CAPN14: variants seen among roughly 807,000 people sequenced by gnomAD.
CAPN14 encodes calpain 14, also known as calpain-14.
Under a neutral mutation model 101.3 loss-of-function variants are expected in CAPN14, and 94 were observed. The observed-to-expected ratio is 0.93, with a 90% confidence interval of 0.79 to 1.10. The LOEUF (loss-of-function observed/expected upper bound fraction) is 1.10, where lower values mean the gene tolerates loss of function less well. CAPN14 is among the 50% of genes least tolerant of loss of function. CAPN14 has a pLI of 0.00. For missense variants in CAPN14, 837 were observed against 828.4 expected (o/e 1.01, Z -0.13); for synonymous variants, 338 against 317.9 (o/e 1.06, Z -0.67).
chr2:31,189,590 A>G (rs1681076504), intron 12 of CAPN14, 112 bp from the exon 13 acceptor site: 3 of 816,706 alleles, frequency 3.7e-6, no homozygotes, highest in Non-Finnish European at 6.1e-6. Flanking sequence ...GCTCTGCCAA[A>G]TCCAATAGGC....
chr2:31,175,284 A>G (rs1020775992), intron 21 of CAPN14, among the ~76,000 whole-genome samples: 1 of 152,212 alleles, frequency 6.6e-6, no homozygotes, highest in East Asian at 1.9e-4. Context: ...TGAGCCACAG[A>G]TGGTCAGAGC....
At chr2:31,233,691 T>A (rs1683263056) in intron 1 of CAPN14, 1 of 151,896 alleles carries the variant, frequency 6.6e-6, no homozygotes, top group South Asian at 2.1e-4. Flanking sequence ...TAAGCCTAGC[T>A]AAAAGTTTGG....
At chr2:31,215,712 A>G (rs1682609694) in intron 1 of CAPN14, among the ~76,000 whole-genome samples, 1 of 152,060 alleles carries the variant, frequency 6.6e-6, no homozygotes, top group African/African-American at 2.4e-5. Context: ...TCCTCTCCCA[A>G]GCCCACTCCT....
intron 18 of CAPN14, among the ~76,000 whole-genome samples, chr2:31,178,085 T>C (rs1486231949): frequency 2.6e-5 from 4 of 152,248 alleles, no homozygotes; most frequent in Middle Eastern, 3.2e-3. Context: ...GTAAATGTGC[T>C]TAGTGCAAGC....
At chr2:31,188,906 TCTC>T (rs1246406643) in intron 13 of CAPN14, among the ~76,000 whole-genome samples, 1 of 152,154 alleles carries the variant, frequency 6.6e-6, no homozygotes, top group African/African-American at 2.4e-5. Flanking sequence ...TGGCTCAAAT[TCTC>T]CTCCTTGAGG....
Position 31,188,458 on chromosome 2 carries a change from G to C in CAPN14, c.1494-104C>G, listed in dbSNP as rs2148678835. On this transcript the variant is annotated intron_variant, in intron 13 of 21. Coordinates refer to ENST00000403897, the MANE Select transcript of CAPN14 (RefSeq NM_001145122.2). ...CTCGTCTTCCACGTTCCTTCACTGA[G>C]GCACCACAAGGGCCCACCCAGCTCT... 3.1e-6 allele frequency: 3 copies of C among 965,736 alleles called. No homozygotes were observed. In the South Asian group the frequency reaches 4.2e-5, roughly 13 times the overall value. The allele number at this position is 965,736 out of a possible 1,614,324, so 59.8% of individuals were successfully genotyped here. A position where few individuals can be genotyped will look rare whatever the true frequency, so the allele number is the denominator to read the frequency against.
chr2:31,200,092 C>T (rs1013634628), intron 6 of CAPN14, among the ~76,000 whole-genome samples: 3 of 151,122 alleles, frequency 2.0e-5, no homozygotes, highest in Admixed American at 2.0e-4. Context: ...CAACCTCCGC[C>T]TCCCGGGTTT....
At chr2:31,180,411 G>C (rs921459612) in intron 17 of CAPN14, among the ~76,000 whole-genome samples, 8 of 152,150 alleles carry the variant, frequency 5.3e-5, no homozygotes, top group African/African-American at 1.9e-4. Flanking sequence ...TATCCACTTA[G>C]AAAGGCAGTG....
chr2:31,220,844 G>A (rs1239030202), upstream of CAPN14, among the ~76,000 whole-genome samples: 1 of 152,038 alleles, frequency 6.6e-6, no homozygotes, highest in African/African-American at 2.4e-5. Context: ...ATTTTTGTTC[G>A]TTTGGTTATA....
intron 3 of CAPN14, among the ~76,000 whole-genome samples, chr2:31,202,830 A>T (rs1184026558): frequency 6.6e-6 from 1 of 152,216 alleles, no homozygotes; most frequent in Non-Finnish European, 1.5e-5. Context: ...ACTGGTAATG[A>T]GGACTATGTG....
chr2:31,212,380 T>C (rs1020132787), intron 1 of CAPN14, among the ~76,000 whole-genome samples: 4 of 151,548 alleles, frequency 2.6e-5, no homozygotes, highest in African/African-American at 7.3e-5. Flanking sequence ...TGCCTCAATA[T>C]AGTTGATTCA....
rs540343591 is a variant in CAPN14 at position 31,199,337 on chromosome 2, G to A, written c.789+133C>T. ...CACTTCACCGCAGGAAATAGATGCC[G>A]AGGCACAGGGACCCACCAAAGACTT... On this transcript the variant is annotated intron_variant, in intron 7 of 21. Transcript: ENST00000403897. 8.1e-5 allele frequency: 62 copies of A among 768,506 alleles called. No homozygotes were observed. The African/African-American group carries it at 9.2e-4, about 11-fold the overall frequency. 47.6% of individuals were successfully genotyped at this position (768,506 alleles called of 1,614,324 possible). A position where few individuals can be genotyped will look rare whatever the true frequency, so the allele number is the denominator to read the frequency against.
intron 3 of CAPN14, 95 bp from the exon 4 acceptor site, chr2:31,202,347 G>T: frequency 1.1e-6 from 1 of 881,308 alleles, no homozygotes; most frequent in Non-Finnish European, 1.8e-6. Context: ...CTCTGGGCTT[G>T]TAGCCCAGTT....
chr2:31,178,366 G>A lies in CAPN14; in HGVS notation c.1779+145C>T, dbSNP rs566629707. The A allele has an allele frequency of 1.9e-4, 125 of 660,634 alleles. No individual in the cohort carries two copies. In the South Asian group the frequency reaches 2.1e-3, roughly 11 times the overall value. The allele number at this position is 660,634 out of a possible 1,614,324, so 40.9% of individuals were successfully genotyped here. On this transcript the variant is annotated intron_variant, in intron 18 of 21. Coordinates refer to ENST00000403897, the MANE Select transcript of CAPN14 (RefSeq NM_001145122.2). ...TCTGAGTTTGGAAGAGACCAATAGA[G>A]GAAATGCTCACCGAAGGGAGAATAG...
At chr2:31,214,833 G>T (rs1409420426) in intron 1 of CAPN14, among the ~76,000 whole-genome samples, 1 of 152,200 alleles carries the variant, frequency 6.6e-6, no homozygotes, top group Non-Finnish European at 1.5e-5. Flanking sequence ...GCACCCTGGC[G>T]TCGCTCATTG....
At chr2:31,197,947 A>G (rs868271677) in intron 7 of CAPN14, among the ~76,000 whole-genome samples, 1 of 152,268 alleles carries the variant, frequency 6.6e-6, no homozygotes, top group African/African-American at 2.4e-5. Context: ...CGGAACTGAG[A>G]AAATTAATTT....
intron 1 of CAPN14, chr2:31,228,323 C>T (rs759070748): frequency 5.3e-5 from 8 of 152,212 alleles, no homozygotes; most frequent in Non-Finnish European, 1.0e-4. Flanking sequence ...TCTGTATCCA[C>T]ACCACCCTGA....
At chr2:31,199,606 T>G (rs985715565) in intron 6 of CAPN14, 74 bp from the exon 7 acceptor site, 10 of 1,275,626 alleles carry the variant, frequency 7.8e-6, no homozygotes, top group Non-Finnish European at 1.1e-5. Flanking sequence ...GGAAGGCTGT[T>G]TGGCTGGAGC....
chr2:31,192,964 C>T (rs1424329074), intron 10 of CAPN14, among the ~76,000 whole-genome samples, 167 bp downstream of exon 10: 1 of 152,062 alleles, frequency 6.6e-6, no homozygotes, highest in African/African-American at 2.4e-5. Context: ...AAAGGTACCC[C>T]ATCTTCCCTG....
Sources: allele counts gnomAD v4.1 joint callset (sites outside exome capture counted in the v4.1 genomes callset), GRCh38; gene constraint gnomAD v4.1.1; transcripts MANE v1.5; gene names NCBI Gene and HGNC (gene_info 2026-07-23, HGNC 2026-07-21).